The following PDE4D variants were observed in gnomAD, a reference collection of about 807,000 sequenced individuals.
The protein encoded by PDE4D is 3',5'-cyclic-AMP phosphodiesterase 4D.
PDE4D carries 24 observed loss-of-function variants against 87.4 expected under a neutral mutation model. The observed-to-expected ratio is 0.27, with a 90% CI of 0.20 to 0.39. The LOEUF is 0.39. PDE4D is among the 10% of genes least tolerant of loss of function. The probability of loss-of-function intolerance (pLI) is 1.00; values close to 1 mark genes in which losing one functional copy is unlikely to be tolerated. For missense variants in PDE4D, 714 were observed against 1,041.0 expected (o/e 0.69, Z 4.32); for synonymous variants, 384 against 383.2 (o/e 1.00, Z -0.02).
intron 1 of PDE4D, among the ~76,000 whole-genome samples, chr5:59,346,969 C>T (rs533703007): frequency 6.6e-6 from 1 of 152,140 alleles, no homozygotes; most frequent in South Asian, 2.1e-4. Flanking sequence ...AAAAGCTTTT[C>T]GTCAGGTACA....
At chr5:59,201,330 ACT>A (rs1747318937) in intron 2 of PDE4D, among the ~76,000 whole-genome samples, 1 of 152,114 alleles carries the variant, frequency 6.6e-6, no homozygotes, top group Admixed American at 6.5e-5. Context: ...AAATCATGAA[ACT>A]CTAATTTCAG....
At chr5:59,016,043 C>A (rs1038237607) in intron 6 of PDE4D, among the ~76,000 whole-genome samples, 1 of 152,138 alleles carries the variant, frequency 6.6e-6, no homozygotes, top group Non-Finnish European at 1.5e-5. Flanking sequence ...AACCAAACAC[C>A]GCATGTTCTC....
chr5:60,312,701 G>A (rs1014120979), intron 1 of PDE4D, among the ~76,000 whole-genome samples: 3 of 152,164 alleles, frequency 2.0e-5, no homozygotes, highest in Non-Finnish European at 4.4e-5. Context: ...TGGGGATTAT[G>A]ACAATTACAA....
chr5:60,235,360 G>T (rs907960819), intron 1 of PDE4D, among the ~76,000 whole-genome samples: 1 of 151,858 alleles, frequency 6.6e-6, no homozygotes, highest in African/African-American at 2.4e-5. Flanking sequence ...AAACTACAAT[G>T]ATATCTTCTA....
intron 1 of PDE4D, among the ~76,000 whole-genome samples, chr5:60,419,986 G>C (rs973879676): frequency 1.1e-4 from 17 of 152,152 alleles, no homozygotes; most frequent in African/African-American, 4.1e-4. Flanking sequence ...CAGAAGTTTT[G>C]CAGAGATTTG....
At position 59,644,956 on chromosome 5, in the gene PDE4D, G is replaced by A. The variant is rs74777447; in HGVS notation, c.455+248212C>T. Among the ~76,000 whole-genome samples the A allele has an allele frequency of 8.8e-3, 1,334 of 152,230 alleles. 18 individuals carry two copies. The highest frequency in any genetic ancestry group is 0.03 in the African/African-American group (1,259 of 41,518). ...AACAAATGAACATTTAAAGCCTACT[G>A]GAGCCCAGCTGTTTGCCCCCTGAAA... is the stretch of plus-strand genomic sequence containing the variant. On this transcript the variant is annotated intron_variant, in intron 1 of 14. Coordinates refer to ENST00000340635, the MANE Select transcript of PDE4D (RefSeq NM_001104631.2).
intron 1 of PDE4D, among the ~76,000 whole-genome samples, chr5:59,506,562 GAGA>G (rs1189718346): frequency 2.0e-5 from 3 of 152,010 alleles, no homozygotes; most frequent in African/African-American, 7.2e-5. Flanking sequence ...AAAATTTGAA[GAGA>G]AGAAGGAATA....
At chr5:60,415,356 T>C (rs1203653921) in intron 1 of PDE4D, among the ~76,000 whole-genome samples, 2 of 152,254 alleles carry the variant, frequency 1.3e-5, no homozygotes, top group African/African-American at 2.4e-5. Context: ...ACTCTGGCCG[T>C]GCTTGAGGAG....
intron 1 of PDE4D, among the ~76,000 whole-genome samples, chr5:60,440,585 G>A (rs1042647819): frequency 1.9e-4 from 29 of 152,104 alleles, no homozygotes; most frequent in African/African-American, 5.1e-4. Context: ...GAGATAGGGC[G>A]TAGAAAAGGG....
intron 3 of PDE4D, among the ~76,000 whole-genome samples, chr5:59,970,107 A>T (rs957768880): frequency 1.3e-5 from 2 of 152,234 alleles, no homozygotes; most frequent in African/African-American, 4.8e-5. Context: ...TGATAAATTT[A>T]GCACTAGGTG....
intron 1 of PDE4D, among the ~76,000 whole-genome samples, chr5:59,485,995 C>T (rs1231887960): frequency 1.3e-5 from 2 of 151,890 alleles, no homozygotes; most frequent in East Asian, 1.9e-4. Flanking sequence ...TTTTTTAATG[C>T]TTTTCACCTC....
chr5:59,058,214 T>C lies in PDE4D; in HGVS notation c.809-19243A>G, dbSNP rs940336794. Among the ~76,000 whole-genome samples, 4 of 152,166 alleles carry C rather than the reference T, an allele frequency of 2.6e-5. No homozygotes were observed. In the East Asian group the frequency reaches 5.8e-4, roughly 22 times the overall value. ...ATATTTCCATAGTTTCTAATGCATC[T>C]GAGAATCATTAACTGGACTGTTAGA... On this transcript the variant is annotated intron_variant, in intron 5 of 14. Coordinates refer to ENST00000340635, the MANE Select transcript of PDE4D (RefSeq NM_001104631.2).
At chr5:59,531,503 G>T (rs1814211850) in intron 1 of PDE4D, among the ~76,000 whole-genome samples, 1 of 152,182 alleles carries the variant, frequency 6.6e-6, no homozygotes, top group South Asian at 2.1e-4. Flanking sequence ...CAATTAAAAT[G>T]TATCATTTTA....
At chr5:59,985,072 G>T (rs1031341004) in intron 3 of PDE4D, among the ~76,000 whole-genome samples, 1 of 151,526 alleles carries the variant, frequency 6.6e-6, no homozygotes, top group Non-Finnish European at 1.5e-5. Flanking sequence ...GGAATCTGGG[G>T]CTCCTGGTTA....
chr5:60,005,231 T>A (rs1423403770), intron 2 of PDE4D, among the ~76,000 whole-genome samples: 1 of 152,110 alleles, frequency 6.6e-6, no homozygotes, highest in Non-Finnish European at 1.5e-5. Context: ...TGATCTTGCT[T>A]ATATGTGTAA....
chr5:60,518,688 G>A (rs1296499312), intron 1 of PDE4D, among the ~76,000 whole-genome samples: 2 of 152,106 alleles, frequency 1.3e-5, no homozygotes, highest in African/African-American at 4.8e-5. Flanking sequence ...GGAAATGCCT[G>A]GTGTTATTTT....
At chr5:59,311,600 A>T (rs987270163) in intron 1 of PDE4D, among the ~76,000 whole-genome samples, 2 of 151,690 alleles carry the variant, frequency 1.3e-5, no homozygotes, top group Admixed American at 1.3e-4. Context: ...TCTTGCAGAT[A>T]GATAACGGTG....
intron 3 of PDE4D, among the ~76,000 whole-genome samples, chr5:59,945,828 A>C (rs1757674109): frequency 6.6e-6 from 1 of 152,152 alleles, no homozygotes; most frequent in African/African-American, 2.4e-5. Context: ...TTTCTTTCTT[A>C]AAAATAGCTG....
intron 5 of PDE4D, among the ~76,000 whole-genome samples, chr5:59,117,552 G>A (rs1171119761): frequency 1.3e-5 from 2 of 152,106 alleles, no homozygotes; most frequent in East Asian, 3.9e-4. Context: ...CTTCCCCCTG[G>A]AGCATTTCCT....
Sources: gnomAD v4.1 joint callset for allele counts (sites outside exome capture counted in the v4.1 genomes callset) on GRCh38, gnomAD v4.1.1 for gene constraint, MANE v1.5 for transcripts, NCBI Gene and HGNC (gene_info 2026-07-23, HGNC 2026-07-21) for gene names.